Variants in RBMS1 observed in about 807,000 individuals in gnomAD.
RBMS1 encodes RNA binding motif single stranded interacting protein 1, also known as RNA-binding motif, single-stranded-interacting protein 1.
Under a neutral mutation model 62.3 loss-of-function variants are expected in RBMS1, and 17 were observed. The ratio of observed to expected loss-of-function variants is 0.27; its 90% CI spans 0.19 to 0.41. The LOEUF is 0.41. Ranked by LOEUF, RBMS1 falls within the 10% of genes least tolerant of loss-of-function variation. The probability of loss-of-function intolerance (pLI) is 1.00; values close to 1 mark genes in which losing one functional copy is unlikely to be tolerated. For missense variants in RBMS1, 334 were observed against 504.5 expected (o/e 0.66, Z 3.24); for synonymous variants, 172 against 170.0 (o/e 1.01, Z -0.09).
intron 1 of RBMS1, among the ~76,000 whole-genome samples, chr2:160,377,707 T>C (rs556568984): frequency 6.6e-6 from 1 of 152,218 alleles, no homozygotes; most frequent in South Asian, 2.1e-4. Context: ...TCTTGGGAGA[T>C]GGCAGGAGGG....
intron 1 of RBMS1, chr2:160,493,061 C>T: frequency 2.0e-6 from 1 of 512,264 alleles, no homozygotes; most frequent in East Asian, 3.4e-5. Context: ...TGTCTAGTCT[C>T]TCCCCCCGCG....
At chr2:160,473,204 T>C (rs1684992627) in intron 1 of RBMS1, among the ~76,000 whole-genome samples, 1 of 152,212 alleles carries the variant, frequency 6.6e-6, no homozygotes, top group Non-Finnish European at 1.5e-5. Context: ...CTCAGCCTAA[T>C]GTTGCGCTCT....
chr2:160,316,963 C>G (rs929534074), intron 3 of RBMS1, among the ~76,000 whole-genome samples: 2 of 152,028 alleles, frequency 1.3e-5, no homozygotes, highest in Non-Finnish European at 2.9e-5. Context: ...TAAGACTAAC[C>G]TTGGAAACTA....
At chr2:160,337,041 C>G (rs536368622) in intron 2 of RBMS1, among the ~76,000 whole-genome samples, 1 of 152,222 alleles carries the variant, frequency 6.6e-6, no homozygotes, top group South Asian at 2.1e-4. Flanking sequence ...GAGATAATCA[C>G]TCACTTTTGG....
chr2:160,396,863 G>A (rs898609498), intron 1 of RBMS1, among the ~76,000 whole-genome samples: 4 of 151,952 alleles, frequency 2.6e-5, no homozygotes, highest in Non-Finnish European at 4.4e-5. Context: ...GCGCCCAGCC[G>A]TAGGGAATGT....
chr2:160,277,241 T>C, intron 12 of RBMS1, 62 bp downstream of exon 12: 1 of 1,404,282 alleles, frequency 7.1e-7, no homozygotes, highest in Non-Finnish European at 1.0e-6. Context: ...TGAGTTCTAT[T>C]TAATTTACCC....
chr2:160,391,376 C>G (rs750401013), intron 1 of RBMS1, among the ~76,000 whole-genome samples: 1 of 151,626 alleles, frequency 6.6e-6, no homozygotes, highest in South Asian at 2.1e-4. Flanking sequence ...TCAGAGGGAG[C>G]ATGGCCCTGC....
At chr2:160,407,331 C>T in intron 1 of RBMS1, 2 of 984,962 alleles carry the variant, frequency 2.0e-6, no homozygotes. Context: ...GAGCAGTCCC[C>T]GCGGCCGCCT....
chr2:160,485,095 G>C (rs985477986), intron 1 of RBMS1, among the ~76,000 whole-genome samples: 2 of 152,048 alleles, frequency 1.3e-5, no homozygotes, highest in African/African-American at 4.8e-5. Flanking sequence ...AGGAACCCTC[G>C]GCTCTTAAAA....
At chr2:160,424,377 G>GGGGAA (rs1553522140) in intron 1 of RBMS1, among the ~76,000 whole-genome samples, 8 of 147,258 alleles carry the variant, frequency 5.4e-5, no homozygotes, top group African/African-American at 1.8e-4. Context: ...GGGGGGGGGG[G>GGGGAA]AAACAAAAAG....
At chr2:160,450,586 A>C (rs1008883538) in intron 1 of RBMS1, among the ~76,000 whole-genome samples, 82 of 150,960 alleles carry the variant, frequency 5.4e-4, no homozygotes, top group African/African-American at 9.2e-4. Flanking sequence ...AAAACAAAAA[A>C]CATTAACCCA....
chr2:160,311,224 C>CTATATA lies in RBMS1; in HGVS notation c.402+1931_402+1932insTATATA, dbSNP rs1553505400. 2.1e-4 allele frequency among the ~76,000 whole-genome samples: 12 copies of CTATATA among 56,600 alleles called. 1 individual carries two copies. Among genetic ancestry groups the CTATATA allele is most frequent in the Admixed American group, 8.4e-4 (4 of 4,760 alleles). 37.1% of individuals were successfully genotyped at this position (56,600 alleles called of 152,430 possible). A position where few individuals can be genotyped will look rare whatever the true frequency, so the allele number is the denominator to read the frequency against. ...AAAAAAAAAAAATCTATCTATCTAT[C>CTATATA]TATCTATCTATATATATATATATAT... On this transcript the variant is annotated intron_variant, in intron 4 of 13. Transcript: ENST00000348849.
intron 2 of RBMS1, among the ~76,000 whole-genome samples, chr2:160,362,089 A>AGG (rs1559445422): frequency 6.6e-6 from 1 of 152,232 alleles, no homozygotes; most frequent in Non-Finnish European, 1.5e-5. Flanking sequence ...TGAAGAGAGA[A>AGG]GGCTCACTTC....
At chr2:160,313,528 A>G (rs1002255995) in intron 3 of RBMS1, among the ~76,000 whole-genome samples, 1 of 151,918 alleles carries the variant, frequency 6.6e-6, no homozygotes, top group African/African-American at 2.4e-5. Context: ...GGTGGGGGGG[A>G]GACATCTAAG....
chr2:160,305,520 G>GT (rs1003001213), intron 4 of RBMS1, among the ~76,000 whole-genome samples: 10 of 152,164 alleles, frequency 6.6e-5, no homozygotes, highest in African/African-American at 1.9e-4. Flanking sequence ...GTTTGTGTAA[G>GT]TACACTCTAT....
At chr2:160,424,842 T>C (rs1021552856) in intron 1 of RBMS1, among the ~76,000 whole-genome samples, 2 of 151,956 alleles carry the variant, frequency 1.3e-5, no homozygotes, top group African/African-American at 2.4e-5. Flanking sequence ...TTTATTTTTG[T>C]CCCCTGGGCA....
rs78750679 is a variant in RBMS1 at position 160,443,511 on chromosome 2, C to G, written c.75+49778G>C. 2.3e-3 allele frequency among the ~76,000 whole-genome samples: 346 copies of G among 152,150 alleles called. 1 individual carries two copies. Among genetic ancestry groups the G allele is most frequent in the Non-Finnish European group, 4.4e-3 (299 of 68,006 alleles). ...TCCTGGTGATGAGTGAGCTCTTGAT[C>G]TGAGTTCACACCGAGATCTGGTCAT... On this transcript the variant is annotated intron_variant, in intron 1 of 13. Transcript: ENST00000348849.
intron 1 of RBMS1, among the ~76,000 whole-genome samples, chr2:160,445,225 T>C (rs1683593308): frequency 6.6e-6 from 1 of 152,268 alleles, no homozygotes; most frequent in African/African-American, 2.4e-5. Context: ...TATTTTTTAA[T>C]ATTCACATCA....
chr2:160,424,005 G>C (rs1348828442), intron 1 of RBMS1, among the ~76,000 whole-genome samples: 1 of 148,420 alleles, frequency 6.7e-6, no homozygotes, highest in Non-Finnish European at 1.5e-5. Context: ...GGAAGTTCAA[G>C]AAAAAAAGTG....
Sources: gnomAD v4.1 joint callset for allele counts (sites outside exome capture counted in the v4.1 genomes callset) on GRCh38, gnomAD v4.1.1 for gene constraint, MANE v1.5 for transcripts, NCBI Gene and HGNC (gene_info 2026-07-23, HGNC 2026-07-21) for gene names.